Variants in GRM1 observed in about 807,000 individuals in gnomAD.
The protein encoded by GRM1 is metabotropic glutamate receptor 1.
In GRM1, 33 loss-of-function variants were observed where a neutral mutation model predicts 90.9. The ratio of observed to expected loss-of-function variants is 0.36; its 90% CI spans 0.28 to 0.49. GRM1 has a LOEUF of 0.49. Among genes scored for constraint, GRM1 ranks in the 20% least tolerant of loss-of-function variants. The pLI is 0.99. For missense variants in GRM1, 1,190 were observed against 1,534.3 expected, an observed-to-expected ratio of 0.78 and a Z score of 3.75; for synonymous variants, 700 against 613.2, an observed-to-expected ratio of 1.14 and a Z score of -2.09.
chr6:146,158,678 A>G (rs1209318943), intron 1 of GRM1, among the ~76,000 whole-genome samples: 1 of 152,192 alleles, frequency 6.6e-6, no homozygotes, highest in Non-Finnish European at 1.5e-5. Flanking sequence ...AAAGTGTAAT[A>G]TTTATCTCAT....
intron 2 of GRM1, among the ~76,000 whole-genome samples, chr6:146,211,292 G>A (rs146312197): frequency 2.9e-4 from 44 of 151,650 alleles, no homozygotes; most frequent in African/African-American, 1.0e-3. Flanking sequence ...ATTCATACCT[G>A]GTGACTTGTG....
intron 2 of GRM1, among the ~76,000 whole-genome samples, chr6:146,255,801 A>AT (rs1177885340): frequency 1.3e-5 from 2 of 152,046 alleles, no homozygotes; most frequent in Admixed American, 1.3e-4. Flanking sequence ...CACACGCTAC[A>AT]TTTTTTTAAA....
intron 1 of GRM1, among the ~76,000 whole-genome samples, chr6:146,058,842 C>T (rs1775571629): frequency 6.6e-6 from 1 of 152,120 alleles, no homozygotes; most frequent in Non-Finnish European, 1.5e-5. Flanking sequence ...TTTCTTAGTT[C>T]ATCCAGAAGA....
chr6:146,287,866 C>T (rs760121970), intron 2 of GRM1, among the ~76,000 whole-genome samples: 2 of 152,184 alleles, frequency 1.3e-5, no homozygotes, highest in Non-Finnish European at 2.9e-5. Flanking sequence ...AAAAGGAAGA[C>T]AGTCTGTTGA....
chr6:146,235,013 G>T (rs975501502), intron 2 of GRM1, among the ~76,000 whole-genome samples: 10 of 152,166 alleles, frequency 6.6e-5, no homozygotes, highest in Non-Finnish European at 1.3e-4. Flanking sequence ...TAGGATTACA[G>T]GAGTGAGCCA....
intron 2 of GRM1, among the ~76,000 whole-genome samples, chr6:146,265,103 C>T (rs554576610): frequency 7.2e-5 from 11 of 152,278 alleles, no homozygotes; most frequent in Admixed American, 1.3e-4. Context: ...TTCGAGCAAT[C>T]GCTACACTGT....
Position 146,399,595 on chromosome 6 carries a change from C to G in GRM1, c.2556C>G (p.Thr852=). Residue 852 remains threonine, a synonymous_variant, in exon 7 of 8, where the codon ACC becomes ACG. Coordinates refer to ENST00000282753, the MANE Select transcript of GRM1 (RefSeq NM_001278064.2). This position sits in a 1 kb window ranked among gnomAD's most constrained non-coding sequence, Gnocchi z 5.4. ...GGAATGTCCGCAGTGCCTTCACCACCTCTGATGTTGTCCGCATGCATGTTG... is the reference window on the plus strand; with the variant it reads ...GGAATGTCCGCAGTGCCTTCACCACGTCTGATGTTGTCCGCATGCATGTTG... ...PERNVRSAFT[T]SDVVRMHVGD... 1 of 1,614,004 alleles carries G rather than the reference C, an allele frequency of 6.2e-7. No individual in the cohort carries two copies. The highest frequency in any genetic ancestry group is 8.5e-7 in the Non-Finnish European group (1 of 1,179,856).
intron 2 of GRM1, among the ~76,000 whole-genome samples, chr6:146,180,690 C>G (rs1243777345): frequency 6.6e-6 from 1 of 151,872 alleles, no homozygotes; most frequent in Non-Finnish European, 1.5e-5. Context: ...CCAAATGTCA[C>G]GAACTTAAAC....
At chr6:146,046,584 G>A (rs953652572) in intron 1 of GRM1, among the ~76,000 whole-genome samples, 1 of 151,912 alleles carries the variant, frequency 6.6e-6, no homozygotes, top group African/African-American at 2.4e-5. Context: ...ATTTATATCA[G>A]TAAGCCAGCA....
rs1211563595 is a variant in GRM1 at position 146,435,052 on chromosome 6, T to C, written c.*256T>C. 1 of 589,230 alleles carries C rather than the reference T, an allele frequency of 1.7e-6. No homozygotes were observed. The highest frequency in any genetic ancestry group is 3.0e-6 in the Non-Finnish European group (1 of 330,466). The allele number at this position is 589,230 out of a possible 1,614,324, so 36.5% of individuals were successfully genotyped here. A position where few individuals can be genotyped will look rare whatever the true frequency, so the allele number is the denominator to read the frequency against. On this transcript the variant is annotated 3_prime_UTR_variant, in exon 8 of 8. Transcript: ENST00000282753. ...CCTTCTCTGGGAAGAAAGGGAATTCTGACAAAGCACAATTCCATATGGTAT... is the reference window on the plus strand; with the variant it reads ...CCTTCTCTGGGAAGAAAGGGAATTCCGACAAAGCACAATTCCATATGGTAT...
At chr6:146,115,052 T>C (rs1775690015) in intron 1 of GRM1, among the ~76,000 whole-genome samples, 1 of 152,150 alleles carries the variant, frequency 6.6e-6, no homozygotes, top group Non-Finnish European at 1.5e-5. Flanking sequence ...AAAATCTGAT[T>C]GAGACAATTG....
chr6:146,367,149 A>G (rs1775722250), intron 5 of GRM1, among the ~76,000 whole-genome samples: 1 of 151,974 alleles, frequency 6.6e-6, no homozygotes, highest in Admixed American at 6.6e-5. Flanking sequence ...AGCACCATTT[A>G]TTAGAGACTG....
intron 3 of GRM1, among the ~76,000 whole-genome samples, chr6:146,306,915 G>A (rs1348250661): frequency 1.3e-5 from 2 of 152,140 alleles, no homozygotes; most frequent in Non-Finnish European, 2.9e-5. Flanking sequence ...AGTCCAAGAG[G>A]CTGATTTTGG....
intron 2 of GRM1, among the ~76,000 whole-genome samples, chr6:146,255,316 T>A (rs1402924276): frequency 6.6e-6 from 1 of 152,210 alleles, no homozygotes; most frequent in Non-Finnish European, 1.5e-5. Flanking sequence ...TTTTAGTTAG[T>A]CTTTCACCAA....
chr6:146,041,148 A>G (rs1166598050), intron 1 of GRM1, among the ~76,000 whole-genome samples: 1 of 151,844 alleles, frequency 6.6e-6, no homozygotes, highest in African/African-American at 2.4e-5. Flanking sequence ...TAACTTTATA[A>G]ATTGCTTTTA....
intron 2 of GRM1, among the ~76,000 whole-genome samples, chr6:146,243,848 CT>C (rs898282869): frequency 1.3e-5 from 2 of 152,254 alleles, no homozygotes; most frequent in African/African-American, 4.8e-5. Context: ...CATCCCTTAT[CT>C]ACATCCGTAT....
At chr6:146,235,950 T>C in intron 2 of GRM1, among the ~76,000 whole-genome samples, 1 of 152,138 alleles carries the variant, frequency 6.6e-6, no homozygotes, top group Non-Finnish European at 1.5e-5. Context: ...CTTGCTTCCT[T>C]GTGTGCCTTA....
intron 2 of GRM1, among the ~76,000 whole-genome samples, chr6:146,183,157 C>T (rs114895938): frequency 6.6e-6 from 1 of 152,064 alleles, no homozygotes; most frequent in South Asian, 2.1e-4. Context: ...TATCATCTAT[C>T]GTCTAGTCAC....
chr6:146,172,915 A>G (rs969276884), intron 2 of GRM1, among the ~76,000 whole-genome samples: 1 of 152,218 alleles, frequency 6.6e-6, no homozygotes, highest in Admixed American at 6.5e-5. Flanking sequence ...TGATAAGTTG[A>G]TCAGGGAGAT....
Sources: allele counts gnomAD v4.1 joint callset (sites outside exome capture counted in the v4.1 genomes callset), GRCh38; gene constraint gnomAD v4.1.1; non-coding constraint Gnocchi (gnomAD v3.1); transcripts MANE v1.5; gene names NCBI Gene and HGNC (gene_info 2026-07-23, HGNC 2026-07-21).